Variants in EMB observed in about 807,000 individuals in gnomAD.
The protein encoded by EMB is embigin homolog.
In EMB, 31 loss-of-function variants were observed where a neutral mutation model predicts 41.4. The observed-to-expected ratio is 0.75, with a 90% CI of 0.56 to 1.01. EMB has a LOEUF of 1.01. Among genes scored for constraint, EMB ranks in the 50% least tolerant of loss-of-function variants. EMB has a pLI of 0.00. For missense variants in EMB, 379 were observed against 388.3 expected (o/e 0.98, Z 0.20); for synonymous variants, 137 against 140.4 (o/e 0.98, Z 0.17).
At chr5:50,408,514 T>A (rs1411051412) in intron 4 of EMB, among the ~76,000 whole-genome samples, 1 of 152,002 alleles carries the variant, frequency 6.6e-6, no homozygotes, top group Non-Finnish European at 1.5e-5. Flanking sequence ...TAGTAGTAAA[T>A]CAACCAGCAC....
intron 1 of EMB, among the ~76,000 whole-genome samples, chr5:50,431,269 A>G (rs1745716287): frequency 6.6e-6 from 1 of 152,244 alleles, no homozygotes; most frequent in East Asian, 1.9e-4. Flanking sequence ...AGGGCAACCT[A>G]CAGAAGGTAT....
chr5:50,433,481 C>G (rs909009814), intron 1 of EMB, among the ~76,000 whole-genome samples: 6 of 152,020 alleles, frequency 3.9e-5, no homozygotes, highest in Non-Finnish European at 7.4e-5. Flanking sequence ...AAAATAAAAC[C>G]CCGAAAGTTA....
Position 50,396,394 on chromosome 5 carries a change from CAA to C in EMB, c.*2877_*2878del, listed in dbSNP as rs1473811616. 2 of 151,984 alleles carry C rather than the reference CAA, an allele frequency of 1.3e-5. No individual in the cohort carries two copies. The highest frequency in any genetic ancestry group is 2.9e-5 in the Non-Finnish European group (2 of 67,994). 9.4% of individuals were successfully genotyped at this position (151,984 alleles called of 1,614,324 possible). On this transcript the variant is annotated 3_prime_UTR_variant, in exon 9 of 9. Transcript: ENST00000303221. ...TACAGGACAAAGAAACAAAATAATC[CAA>C]GAGAGAGACCAACAAATGTATATTT...
chr5:50,403,349 A>C lies in EMB; in HGVS notation c.706T>G (p.Trp236Gly). Residue 236 changes from tryptophan to glycine, a missense_variant, in exon 6 of 9, where the codon TGG (tryptophan) becomes GGG (glycine). Physicochemically the swap from Trp to Gly is radical, Grantham distance 184. Transcript: ENST00000303221. ...CCTAATTGGAATAGTGCACGGCACCAGTAAGATTCCCCATCTTCCTCCAAA... is the reference window on the plus strand; with the variant it reads ...CCTAATTGGAATAGTGCACGGCACCCGTAAGATTCCCCATCTTCCTCCAAA... ...QLLEEDGESY[W>G]CRALFQLGES... 2 of 1,612,786 alleles carry C rather than the reference A, an allele frequency of 1.2e-6. No individual in the cohort carries two copies. Among genetic ancestry groups the C allele is most frequent in the Non-Finnish European group, 1.7e-6 (2 of 1,179,194 alleles).
intron 1 of EMB, among the ~76,000 whole-genome samples, chr5:50,433,029 G>T (rs748349216): frequency 5.3e-5 from 8 of 151,878 alleles, no homozygotes; most frequent in Non-Finnish European, 8.8e-5. Context: ...AGTGAGCTGA[G>T]ATCGCATCAC....
At chr5:50,434,033 G>GT (rs1745765153) in intron 1 of EMB, among the ~76,000 whole-genome samples, 1 of 152,098 alleles carries the variant, frequency 6.6e-6, no homozygotes, top group African/African-American at 2.4e-5. Flanking sequence ...CCAGTCATTA[G>GT]GTTTAGGGCT....
intron 4 of EMB, among the ~76,000 whole-genome samples, chr5:50,408,473 T>C (rs1745282687): frequency 6.6e-6 from 1 of 151,990 alleles, no homozygotes; most frequent in South Asian, 2.1e-4. Flanking sequence ...ATTGAACTAA[T>C]CAGTAATCTT....
intron 1 of EMB, among the ~76,000 whole-genome samples, chr5:50,438,365 G>A (rs1361976048): frequency 6.6e-6 from 1 of 152,204 alleles, no homozygotes; most frequent in East Asian, 1.9e-4. Flanking sequence ...TTCCCCAGGA[G>A]TGCAGAGGTT....
intron 8 of EMB, 143 bp downstream of exon 8, chr5:50,399,716 T>C (rs1745128894): frequency 3.0e-6 from 2 of 663,452 alleles, no homozygotes; most frequent in African/African-American, 1.9e-5. Flanking sequence ...TATTTTCCCC[T>C]ATAATAGTGT....
At chr5:50,441,389 G>T (rs72751723), upstream of EMB, 5,328 of 333,828 alleles carry the variant, frequency 0.016, 128 homozygotes, top group East Asian at 0.091. Flanking sequence ...GGCTGCTGGC[G>T]TTCCCGGATG....
rs1165718261 is a variant in EMB, at chr5:50,397,447, C to A, written c.*1826G>T. On this transcript the variant is annotated 3_prime_UTR_variant, in exon 9 of 9. Coordinates refer to ENST00000303221, the MANE Select transcript of EMB (RefSeq NM_198449.3). ...ATTATTTTACCTTTGGGAAGCAATG[C>A]TTGTTGCTTGAAAATTGTATGAGCC... is the stretch of plus-strand genomic sequence containing the variant. The A allele has an allele frequency of 6.6e-6, 1 of 152,076 alleles. No individual in the cohort carries two copies. The highest frequency in any genetic ancestry group is 1.5e-5 in the Non-Finnish European group (1 of 68,004). The allele number at this position is 152,076 out of a possible 1,614,324, so 9.4% of individuals were successfully genotyped here. A position where few individuals can be genotyped will look rare whatever the true frequency, so the allele number is the denominator to read the frequency against.
chr5:50,413,214 C>A (rs138914987), intron 2 of EMB, among the ~76,000 whole-genome samples: 4 of 152,190 alleles, frequency 2.6e-5, no homozygotes, highest in Admixed American at 6.5e-5. Context: ...AGAAAATAAA[C>A]GTTCTCTTTA....
chr5:50,428,043 G>T, intron 2 of EMB, 101 bp downstream of exon 2: 1 of 759,856 alleles, frequency 1.3e-6, no homozygotes, highest in East Asian at 2.6e-5. Context: ...GCCAGGAACA[G>T]GGATTACCAC....
intron 2 of EMB, among the ~76,000 whole-genome samples, chr5:50,418,121 T>C (rs1324706673): frequency 6.6e-6 from 1 of 152,252 alleles, no homozygotes; most frequent in Non-Finnish European, 1.5e-5. Context: ...GACAATAACA[T>C]TGGGTAATAA....
chr5:50,397,738 G>T lies in EMB; in HGVS notation c.*1535C>A, dbSNP rs1561128526. 6.6e-6 allele frequency: 1 copy of T among 151,978 alleles called. No homozygotes were observed. The highest frequency in any genetic ancestry group is 1.5e-5 in the Non-Finnish European group (1 of 67,984). 9.4% of individuals were successfully genotyped at this position (151,978 alleles called of 1,614,324 possible). Reference sequence around the variant, plus strand: ...AAATAAATGTATGGCCCTGAGACCAGAATAAAATGAAAACCAAGAATAAAA... The same window carrying T: ...AAATAAATGTATGGCCCTGAGACCATAATAAAATGAAAACCAAGAATAAAA... On this transcript the variant is annotated 3_prime_UTR_variant, in exon 9 of 9. Transcript: ENST00000303221.
intron 1 of EMB, among the ~76,000 whole-genome samples, chr5:50,439,282 G>A (rs1229722790): frequency 6.6e-6 from 1 of 152,004 alleles, no homozygotes. Context: ...ATACCCAGAA[G>A]GGGGAAAAAT....
chr5:50,412,780 T>C (rs1187479574), intron 2 of EMB, among the ~76,000 whole-genome samples: 1 of 152,010 alleles, frequency 6.6e-6, no homozygotes, highest in Non-Finnish European at 1.5e-5. Context: ...CCCTGACAGT[T>C]TGGCAAGGAA....
chr5:50,428,501 A>G, intron 1 of EMB: 1 of 1,076,810 alleles, frequency 9.3e-7, no homozygotes, highest in Non-Finnish European at 1.1e-6. Context: ...TTTTTATTCT[A>G]CTATTATAGT....
chr5:50,429,093 A>G (rs1745670728), intron 1 of EMB, among the ~76,000 whole-genome samples: 1 of 151,928 alleles, frequency 6.6e-6, no homozygotes, highest in Non-Finnish European at 1.5e-5. Context: ...ATGGGGTTTC[A>G]CCATGTTGGC....
Sources: gnomAD v4.1 joint callset for allele counts (sites outside exome capture counted in the v4.1 genomes callset) on GRCh38, gnomAD v4.1.1 for gene constraint, MANE v1.5 for transcripts, NCBI Gene and HGNC (gene_info 2026-07-23, HGNC 2026-07-21) for gene names.